RERE: variants seen among roughly 807,000 people sequenced by gnomAD.
RERE encodes the protein arginine-glutamic acid dipeptide repeats.
RERE carries 40 observed loss-of-function variants against 146.1 expected under a neutral mutation model. The observed-to-expected ratio is 0.27, with a 90% CI of 0.21 to 0.36. The LOEUF is 0.36. Among genes scored for constraint, RERE ranks in the 10% least tolerant of loss-of-function variants. The probability of loss-of-function intolerance (pLI) is 1.00; values close to 1 mark genes in which losing one functional copy is unlikely to be tolerated. For missense variants in RERE, 1,933 were observed against 2,138.7 expected (o/e 0.90, Z 1.90); for synonymous variants, 1,003 against 866.0 (o/e 1.16, Z -2.78).
At chr1:8,717,330 T>C (rs961426392) in intron 1 of RERE, among the ~76,000 whole-genome samples, 2 of 152,240 alleles carry the variant, frequency 1.3e-5, no homozygotes, top group African/African-American at 4.8e-5. Flanking sequence ...TCAGTATTTC[T>C]CAAACACAAT....
chr1:8,789,301 A>AATATATATAT (rs1553149622), intron 1 of RERE, among the ~76,000 whole-genome samples: 44 of 24,754 alleles, frequency 1.8e-3, no homozygotes, highest in East Asian at 2.0e-3. Context: ...AAAAAAAAAA[A>AATATATATAT]ATATATATAT....
At chr1:8,366,929 CAAAA>C (rs1292789143) in intron 12 of RERE, among the ~76,000 whole-genome samples, 5 of 84,306 alleles carry the variant, frequency 5.9e-5, no homozygotes, top group Non-Finnish European at 1.2e-4. Context: ...AAAAAAAAAA[CAAAA>C]AAAAAAAACC....
intron 1 of RERE, among the ~76,000 whole-genome samples, chr1:8,749,475 A>T (rs1640487635): frequency 6.6e-6 from 1 of 152,120 alleles, no homozygotes; most frequent in African/African-American, 2.4e-5. Context: ...GCTACTTTAG[A>T]CTGGAAGCCA....
chr1:8,790,259 A>G (rs1202324450), intron 1 of RERE, among the ~76,000 whole-genome samples: 1 of 152,158 alleles, frequency 6.6e-6, no homozygotes, highest in African/African-American at 2.4e-5. Context: ...CGAGATAGTT[A>G]AAGGACACCC....
intron 4 of RERE, among the ~76,000 whole-genome samples, chr1:8,566,080 A>G (rs1646148978): frequency 6.6e-6 from 1 of 152,246 alleles, no homozygotes. Context: ...TCTTATTGCC[A>G]TTGATAAAGT....
At chr1:8,657,236 C>T (rs1294176485) in intron 1 of RERE, among the ~76,000 whole-genome samples, 1 of 144,178 alleles carries the variant, frequency 6.9e-6, no homozygotes, top group Non-Finnish European at 1.5e-5. Context: ...ACCCAGGAGA[C>T]GGAGCTTGTA....
intron 1 of RERE, among the ~76,000 whole-genome samples, chr1:8,768,958 C>A (rs1422830466): frequency 6.6e-6 from 1 of 152,126 alleles, no homozygotes; most frequent in Non-Finnish European, 1.5e-5. Flanking sequence ...GGTCGGCAAA[C>A]GGTGGCCCAC....
At chr1:8,805,190 T>C (rs928854684) in intron 1 of RERE, among the ~76,000 whole-genome samples, 1 of 151,954 alleles carries the variant, frequency 6.6e-6, no homozygotes, top group Admixed American at 6.6e-5. Flanking sequence ...TTTGAATACA[T>C]AGTTTAAACT....
At chr1:8,368,064 G>C (rs1280285226) in intron 12 of RERE, among the ~76,000 whole-genome samples, 1 of 152,208 alleles carries the variant, frequency 6.6e-6, no homozygotes, top group African/African-American at 2.4e-5. Context: ...AACTGGTGCT[G>C]TGATAAGTCA....
chr1:8,757,748 G>T (rs1640669867), intron 1 of RERE, among the ~76,000 whole-genome samples: 1 of 152,044 alleles, frequency 6.6e-6, no homozygotes. Context: ...AACATTCAAA[G>T]TCTGTTCACC....
rs920192574 is a variant in RERE at position 8,402,688 on chromosome 1, C to CA, written c.1284+20038dup. Among the ~76,000 whole-genome samples, 72 of 152,164 alleles carry CA rather than the reference C, an allele frequency of 4.7e-4. 1 individual carries two copies. The highest frequency in any genetic ancestry group is 6.2e-4 in the South Asian group (3 of 4,816). On this transcript the variant is annotated intron_variant, in intron 12 of 22. Coordinates refer to ENST00000400908, the MANE Select transcript of RERE (RefSeq NM_001042681.2). ...CTTGGTGAAGGGAGAGATTGGCCTA[C>CA]AAAAAATGTTTCCTTCTTAGATCGT...
chr1:8,527,600 T>C (rs988617405), intron 7 of RERE, among the ~76,000 whole-genome samples: 9 of 152,164 alleles, frequency 5.9e-5, no homozygotes, highest in Non-Finnish European at 5.9e-5. Context: ...AGTTAAGAAA[T>C]GTGGATTCTA....
At chr1:8,454,650 C>T (rs149822253) in intron 11 of RERE, among the ~76,000 whole-genome samples, 2,008 of 152,012 alleles carry the variant, frequency 0.013, 44 homozygotes, top group African/African-American at 0.046. Context: ...ACTAAAAATA[C>T]AAAAATTGGC....
At position 8,495,178 on chromosome 1, in the gene RERE, T is replaced by G; in HGVS notation, c.1005-16A>C. 1 of 1,593,718 alleles carries G rather than the reference T, an allele frequency of 6.3e-7. No homozygotes were observed. The highest frequency in any genetic ancestry group is 8.6e-7 in the Non-Finnish European group (1 of 1,161,788). ...CGCCATGCTCCTTCAGAAGAAAAGGTTTTTCCTTTATTAGTACATAGTAAT... is the reference window on the plus strand; with the variant it reads ...CGCCATGCTCCTTCAGAAGAAAAGGGTTTTCCTTTATTAGTACATAGTAAT... On this transcript the variant is annotated splice_polypyrimidine_tract_variant and intron_variant, in intron 9 of 22. Transcript: ENST00000400908.
At chr1:8,583,985 C>T (rs562246562) in intron 4 of RERE, among the ~76,000 whole-genome samples, 1 of 151,846 alleles carries the variant, frequency 6.6e-6, no homozygotes, top group Admixed American at 6.5e-5. Context: ...TCATAAAAAA[C>T]AAAAAACTAT....
intron 1 of RERE, among the ~76,000 whole-genome samples, chr1:8,712,123 C>T (rs1210926520): frequency 1.3e-5 from 2 of 152,194 alleles, no homozygotes; most frequent in African/African-American, 4.8e-5. Context: ...TACACTCAAA[C>T]ATTATATAAT....
chr1:8,528,228 T>A (rs1214706044), intron 7 of RERE, among the ~76,000 whole-genome samples: 2 of 152,070 alleles, frequency 1.3e-5, no homozygotes, highest in Admixed American at 1.3e-4. Flanking sequence ...TTCAAAAAGG[T>A]CGATGTCATA....
At chr1:8,560,193 C>T (rs190926511) in intron 4 of RERE, among the ~76,000 whole-genome samples, 2 of 152,312 alleles carry the variant, frequency 1.3e-5, no homozygotes, top group Admixed American at 1.3e-4. Context: ...TCAACCTCAG[C>T]ACTACTGACA....
intron 2 of RERE, among the ~76,000 whole-genome samples, chr1:8,632,418 C>T (rs1647046410): frequency 6.6e-6 from 1 of 152,230 alleles, no homozygotes; most frequent in Admixed American, 6.5e-5. Context: ...TGGAAATACA[C>T]AGGACAATTC....
Sources: allele counts gnomAD v4.1 joint callset (sites outside exome capture counted in the v4.1 genomes callset), GRCh38; gene constraint gnomAD v4.1.1; transcripts MANE v1.5; gene names NCBI Gene and HGNC (gene_info 2026-07-23, HGNC 2026-07-21).